Variants in CXXC5 observed in about 807,000 individuals in gnomAD.
The protein encoded by CXXC5 is CXXC finger protein 5, also known as CXXC-type zinc finger protein 5.
Under a neutral mutation model 17.6 loss-of-function variants are expected in CXXC5, and 2 were observed. The ratio of observed to expected loss-of-function variants is 0.11; its 90% CI spans 0.05 to 0.36. CXXC5 has a LOEUF of 0.36. CXXC5 is among the 10% of genes least tolerant of loss of function. CXXC5 has a pLI of 1.00. For missense variants in CXXC5, 343 were observed against 458.3 expected, an observed-to-expected ratio of 0.75 and a Z score of 2.30; for synonymous variants, 171 against 193.0, an observed-to-expected ratio of 0.89 and a Z score of 0.94.
chr5:139,679,103 A>G (rs1311778751), intron 1 of CXXC5, among the ~76,000 whole-genome samples: 1 of 152,098 alleles, frequency 6.6e-6, no homozygotes, highest in African/African-American at 2.4e-5. Context: ...CTTGAGGGTC[A>G]CGCCTACTCC....
intron 1 of CXXC5, among the ~76,000 whole-genome samples, chr5:139,650,018 G>C (rs1755079996): frequency 6.6e-6 from 1 of 152,252 alleles, no homozygotes; most frequent in Non-Finnish European, 1.5e-5. Context: ...TTTAAATGGG[G>C]GGCCACCTTC....
At chr5:139,649,802 A>C (rs1755067891) in intron 1 of CXXC5, 1 of 152,184 alleles carries the variant, frequency 6.6e-6, no homozygotes, top group South Asian at 2.1e-4. Flanking sequence ...CTGGCCCCAA[A>C]TTTACCCATG....
chr5:139,661,488 A>G lies in CXXC5; in HGVS notation c.-161+12643A>G, dbSNP rs1202684525. Among the ~76,000 whole-genome samples, 1 of 152,192 alleles carries G rather than the reference A, an allele frequency of 6.6e-6. No individual in the cohort carries two copies. Among genetic ancestry groups the G allele is most frequent in the Non-Finnish European group, 1.5e-5 (1 of 68,028 alleles). On this transcript the variant is annotated intron_variant, in intron 1 of 2. Coordinates refer to ENST00000302517, the MANE Select transcript of CXXC5 (RefSeq NM_016463.9). The surrounding 1 kb of genome is among the most constrained non-coding windows in gnomAD (Gnocchi z 4.7). ...CACAGCTCCCATGTGGTGCTCCAGA[A>G]GCACACTCACGGTTCCAGCCACAGC...
rs987441142 is a variant in CXXC5, at chr5:139,670,303, G to A, written c.-160-10061G>A. Among the ~76,000 whole-genome samples the A allele has an allele frequency of 5.3e-5, 8 of 152,206 alleles. No homozygotes were observed. The highest frequency in any genetic ancestry group is 1.9e-4 in the African/African-American group (8 of 41,448). ...GGCAGGCGGGTAGACACTGGCCAGAGCTGTTGGACCTTGAACAGCAGACAA... is the reference window on the plus strand; with the variant it reads ...GGCAGGCGGGTAGACACTGGCCAGAACTGTTGGACCTTGAACAGCAGACAA... On this transcript the variant is annotated intron_variant, in intron 1 of 2. Coordinates refer to ENST00000302517, the MANE Select transcript of CXXC5 (RefSeq NM_016463.9). This position sits in a 1 kb window ranked among gnomAD's most constrained non-coding sequence, Gnocchi z 4.2.
At chr5:139,681,521 A>AC in intron 2 of CXXC5, 74 bp downstream of exon 2, 2 of 1,492,142 alleles carry the variant, frequency 1.3e-6, no homozygotes, top group South Asian at 2.8e-5. Flanking sequence ...CCATCCCCTG[A>AC]CCCCACTTTT....
intron 1 of CXXC5, among the ~76,000 whole-genome samples, chr5:139,653,977 G>T (rs188131389): frequency 1.3e-5 from 2 of 152,224 alleles, no homozygotes; most frequent in Admixed American, 1.3e-4. Context: ...AACAAGACAG[G>T]GCTCCACTGG....
chr5:139,660,648 G>A (rs968978652), intron 1 of CXXC5, among the ~76,000 whole-genome samples: 2 of 151,974 alleles, frequency 1.3e-5, no homozygotes, highest in African/African-American at 4.8e-5. Context: ...GCTGCCCCAA[G>A]GTCACACAGT....
intron 1 of CXXC5, among the ~76,000 whole-genome samples, chr5:139,669,200 G>A (rs1756307421): frequency 6.6e-6 from 1 of 152,152 alleles, no homozygotes; most frequent in Non-Finnish European, 1.5e-5. Flanking sequence ...GAGGGGGAGC[G>A]CCATGGCAGT....
In CXXC5 at chr5:139,680,695, C is replaced by T. The variant is rs1477209282; in HGVS notation, c.172C>T (p.Arg58Cys). The change falls in exon 2 of 3, where the codon CGT becomes TGT. Residue 58 changes from arginine (R) to cysteine (C), a missense_variant. Coordinates refer to ENST00000302517, the MANE Select transcript of CXXC5 (RefSeq NM_016463.9). ...GGCAGATGACACACCACCCCCCGAG[C>T]GTCGGAACAAGAGCGGTATCATCAG... ...SVADDTPPPE[R>C]RNKSGIISEP... The T allele has an allele frequency of 3.7e-6, 6 of 1,613,296 alleles. No individual in the cohort carries two copies. The highest frequency in any genetic ancestry group is 2.7e-5 in the African/African-American group (2 of 74,940).
chr5:139,680,517 C>T lies in CXXC5; in HGVS notation c.-7C>T. The stretch of plus-strand genomic sequence containing the variant: ...CTCTGCAGTGGGGTCTGGGCCTCGG[C>T]CCCACCATGTCGAGCCTCGGCGGTG... On this transcript the variant is annotated 5_prime_UTR_variant, in exon 2 of 3. Coordinates refer to ENST00000302517, the MANE Select transcript of CXXC5 (RefSeq NM_016463.9). The T allele has an allele frequency of 4.5e-6, 7 of 1,550,788 alleles. No individual in the cohort carries two copies. The highest frequency in any genetic ancestry group is 5.2e-6 in the Non-Finnish European group (6 of 1,149,536).
In CXXC5 at chr5:139,661,640, C is replaced by T. The variant is rs1474859467; in HGVS notation, c.-161+12795C>T. ...CCACACACTGGGGCCTGATCATTCTCAGGCCATAGCTTACCCCTAGATGAT... is the reference window on the plus strand; with the variant it reads ...CCACACACTGGGGCCTGATCATTCTTAGGCCATAGCTTACCCCTAGATGAT... On this transcript the variant is annotated intron_variant, in intron 1 of 2. Transcript: ENST00000302517. This position sits in a 1 kb window ranked among gnomAD's most constrained non-coding sequence, Gnocchi z 4.7. 1.3e-5 allele frequency among the ~76,000 whole-genome samples: 2 copies of T among 152,224 alleles called. No homozygotes were observed. The highest frequency in any genetic ancestry group is 2.4e-5 in the African/African-American group (1 of 41,460).
rs188205209 is a variant in CXXC5 at position 139,662,861 on chromosome 5, G to A, written c.-161+14016G>A. Among the ~76,000 whole-genome samples, 5 of 152,296 alleles carry A rather than the reference G, an allele frequency of 3.3e-5. No homozygotes were observed. In the East Asian group the frequency reaches 5.8e-4, roughly 18 times the overall value. ...CCTCATGTTTGTCACCTGTGAGATC[G>A]GTATGACTCTCATCTCTGTCTCAAA... On this transcript the variant is annotated intron_variant, in intron 1 of 2. Coordinates refer to ENST00000302517, the MANE Select transcript of CXXC5 (RefSeq NM_016463.9).
chr5:139,680,670 G>A lies in CXXC5; in HGVS notation c.147G>A (p.Val49=). 2 of 1,613,282 alleles carry A rather than the reference G, an allele frequency of 1.2e-6. No homozygotes were observed. The highest frequency in any genetic ancestry group is 2.2e-5 in the East Asian group (1 of 44,890). ...AVVAAAAPAS[V]ADDTPPPERR... is the part of the protein sequence containing the mutation. The stretch of plus-strand genomic sequence containing the variant: ...TGGCTGCCGCCGCACCAGCCTCAGT[G>A]GCAGATGACACACCACCCCCCGAGC... Residue 49 remains valine, a synonymous_variant, in exon 2 of 3, where the codon GTG becomes GTA. Transcript: ENST00000302517.
chr5:139,648,896 C>T (rs961769111), intron 1 of CXXC5, 51 bp downstream of exon 1: 3 of 152,216 alleles, frequency 2.0e-5, no homozygotes, highest in Non-Finnish European at 4.4e-5. Context: ...GGCCGGCCCC[C>T]TCCCCTTCCC....
intron 1 of CXXC5, among the ~76,000 whole-genome samples, chr5:139,657,784 C>T (rs936941197): frequency 1.6e-4 from 25 of 152,022 alleles, no homozygotes; most frequent in Admixed American, 6.6e-4. Flanking sequence ...GGGACTGTGG[C>T]GGGAAGGAGG....
intron 1 of CXXC5, among the ~76,000 whole-genome samples, chr5:139,674,642 A>C (rs356452): frequency 0.34 from 52,200 of 152,124 alleles, 9,397 homozygotes; most frequent in African/African-American, 0.4. Context: ...GATTTACTAA[A>C]AATCATTAAA....
chr5:139,679,646 A>T (rs1757066643), intron 1 of CXXC5: 1 of 152,160 alleles, frequency 6.6e-6, no homozygotes, highest in South Asian at 2.1e-4. Context: ...GAAGATTAGG[A>T]TGTGGAGGTG....
chr5:139,668,768 G>A lies in CXXC5; in HGVS notation c.-160-11596G>A, dbSNP rs922970205. On this transcript the variant is annotated intron_variant, in intron 1 of 2. Coordinates refer to ENST00000302517, the MANE Select transcript of CXXC5 (RefSeq NM_016463.9). This position sits in a 1 kb window ranked among gnomAD's most constrained non-coding sequence, Gnocchi z 4.1. ...GGAGAAGGCTGGGGGATGACTGATA[G>A]GGGGAGTCGGGAGGGGATGTTGAGC... 6.6e-6 allele frequency among the ~76,000 whole-genome samples: 1 copy of A among 152,212 alleles called. No individual in the cohort carries two copies. Among genetic ancestry groups the A allele is most frequent in the African/African-American group, 2.4e-5 (1 of 41,442 alleles).
In CXXC5 at chr5:139,656,944, C is replaced by T. The variant is rs553612246; in HGVS notation, c.-161+8099C>T. 4.3e-4 allele frequency among the ~76,000 whole-genome samples: 65 copies of T among 152,148 alleles called. 1 individual carries two copies. The highest frequency in any genetic ancestry group is 7.5e-4 in the Non-Finnish European group (51 of 68,022). ...TTCTCCATGTTGGCCAGGCTGGTCT[C>T]GAACTCCTGACCTCAAGTGATTCAC... On this transcript the variant is annotated intron_variant, in intron 1 of 2. Coordinates refer to ENST00000302517, the MANE Select transcript of CXXC5 (RefSeq NM_016463.9).
Sources: gnomAD v4.1 joint callset for allele counts (sites outside exome capture counted in the v4.1 genomes callset) on GRCh38, gnomAD v4.1.1 for gene constraint, Gnocchi (gnomAD v3.1) non-coding constraint, MANE v1.5 for transcripts, NCBI Gene and HGNC (gene_info 2026-07-23, HGNC 2026-07-21) for gene names.